Variants in SYT2 observed in about 807,000 individuals in gnomAD.
SYT2 encodes synaptotagmin 2.
Under a neutral mutation model 39.9 loss-of-function variants are expected in SYT2, and 15 were observed. The observed-to-expected ratio is 0.38, with a 90% confidence interval of 0.25 to 0.58. The LOEUF (loss-of-function observed/expected upper bound fraction) is 0.58. SYT2 is among the 20% of genes least tolerant of loss of function. SYT2 has a pLI of 0.70. For synonymous variants in SYT2, 181 were observed against 204.5 expected, an observed-to-expected ratio of 0.89 and a Z score of 0.98; for missense variants, 389 against 530.3, an observed-to-expected ratio of 0.73 and a Z score of 2.62.
chr1:202,650,927 G>A (rs1252401397), intron 1 of SYT2, among the ~76,000 whole-genome samples: 1 of 152,158 alleles, frequency 6.6e-6, no homozygotes, highest in African/African-American at 2.4e-5. Flanking sequence ...GCTCCAGCGT[G>A]GAAGAAGGAG....
At chr1:202,607,778 G>A (rs982050066) in intron 1 of SYT2, among the ~76,000 whole-genome samples, 29 of 152,272 alleles carry the variant, frequency 1.9e-4, no homozygotes, top group African/African-American at 6.5e-4. Flanking sequence ...CCGGTTTGGC[G>A]GGAACTGCAA....
chr1:202,691,002 T>A (rs1653804047), intron 1 of SYT2, among the ~76,000 whole-genome samples: 1 of 152,176 alleles, frequency 6.6e-6, no homozygotes, highest in Non-Finnish European at 1.5e-5. Flanking sequence ...GTTCTCGTCC[T>A]ACTCACACAT....
chr1:202,670,548 G>A (rs190309884), intron 1 of SYT2, among the ~76,000 whole-genome samples: 41 of 152,122 alleles, frequency 2.7e-4, no homozygotes, highest in Non-Finnish European at 5.3e-4. Context: ...GGGGGAAGAG[G>A]AGCACAACTC....
rs138329929 is a variant in SYT2, at chr1:202,604,512, C to T, written c.288G>A (p.Lys96=). ...KCCCKKKKNK[K]EKGKGMKNAM... is the part of the protein sequence containing the mutation. ...CATTCTTCATGCCTTTGCCCTTCTC[C>T]TTCTTGTTCTTCTTCTTCTTGCAGC... Residue 96 remains lysine (K), a synonymous_variant, in exon 3 of 9, where the codon AAG becomes AAA. Transcript: ENST00000367268. 4.3e-6 allele frequency: 7 copies of T among 1,614,086 alleles called. No homozygotes were observed. In the African/African-American group the frequency reaches 9.3e-5, roughly 22 times the overall value.
intron 1 of SYT2, among the ~76,000 whole-genome samples, chr1:202,701,749 G>A (rs184982861): frequency 2.3e-4 from 35 of 152,214 alleles, no homozygotes; most frequent in Middle Eastern, 3.4e-3. Context: ...TGACCTTATG[G>A]ACCCCCCTGA....
At chr1:202,651,146 G>A (rs998611350) in intron 1 of SYT2, among the ~76,000 whole-genome samples, 3 of 152,138 alleles carry the variant, frequency 2.0e-5, no homozygotes, top group Non-Finnish European at 4.4e-5. Flanking sequence ...GTTGCGGCAG[G>A]TCAAGGGAAA....
intron 1 of SYT2, among the ~76,000 whole-genome samples, chr1:202,653,773 GTGGGT>G (rs1692232467): frequency 6.6e-6 from 1 of 152,192 alleles, no homozygotes; most frequent in East Asian, 1.9e-4. Context: ...CTGGACCTCT[GTGGGT>G]CACCACAGTG....
In SYT2 at chr1:202,596,593, A is replaced by C; in HGVS notation, c.*164T>G. 1.5e-6 allele frequency: 1 copy of C among 669,250 alleles called. No homozygotes were observed. The highest frequency in any genetic ancestry group is 2.5e-6 in the Non-Finnish European group (1 of 403,788). The allele number at this position is 669,250 out of a possible 1,614,324, so 41.5% of individuals were successfully genotyped here. ...GGGGACTCTCCTCACACAGCCATCA[A>C]AGGGAAGTTGGTCTTTAAAAAGAGA... On this transcript the variant is annotated 3_prime_UTR_variant, in exon 9 of 9. Coordinates refer to ENST00000367268, the MANE Select transcript of SYT2 (RefSeq NM_177402.5).
chr1:202,594,223 G>A lies in SYT2; in HGVS notation c.*2534C>T, dbSNP rs1690214345. 6.6e-6 allele frequency: 1 copy of A among 152,216 alleles called. No homozygotes were observed. Among genetic ancestry groups the A allele is most frequent in the Non-Finnish European group, 1.5e-5 (1 of 68,072 alleles). The allele number at this position is 152,216 out of a possible 1,614,324, so 9.4% of individuals were successfully genotyped here. A position where few individuals can be genotyped will look rare whatever the true frequency, so the allele number is the denominator to read the frequency against. ...CCCTCAAGGCTCCTCACTAGCAGTG[G>A]GCTCAGAGTAATAAAAATCCAGCCC... On this transcript the variant is annotated 3_prime_UTR_variant, in exon 9 of 9. Transcript: ENST00000367268.
chr1:202,634,259 T>G (rs1368880924), intron 1 of SYT2, among the ~76,000 whole-genome samples: 2 of 152,252 alleles, frequency 1.3e-5, no homozygotes, highest in Non-Finnish European at 2.9e-5. Context: ...GGGTCACACC[T>G]GTAATTCCAG....
intron 1 of SYT2, among the ~76,000 whole-genome samples, 200 bp downstream of exon 1, chr1:202,710,058 C>T (rs1226364129): frequency 6.6e-6 from 1 of 152,060 alleles, no homozygotes; most frequent in Non-Finnish European, 1.5e-5. Context: ...TCCGACTCCC[C>T]GAGACGAACC....
In SYT2 at chr1:202,627,652, G is replaced by A. The variant is rs1001855902; in HGVS notation, c.-17-21863C>T. The stretch of plus-strand genomic sequence containing the variant: ...GGAAGGGCATGAAGACCACTTCCCT[G>A]GTTAATGAGGGTTTGACCAGGAGTT... On this transcript the variant is annotated intron_variant, in intron 1 of 8. Transcript: ENST00000367268. 5.1e-6 allele frequency: 5 copies of A among 984,472 alleles called. No individual in the cohort carries two copies. The African/African-American group carries it at 8.7e-5, about 17-fold the overall frequency. The allele number at this position is 984,472 out of a possible 1,614,324, so 61.0% of individuals were successfully genotyped here. A position where few individuals can be genotyped will look rare whatever the true frequency, so the allele number is the denominator to read the frequency against.
intron 1 of SYT2, among the ~76,000 whole-genome samples, chr1:202,626,846 C>T (rs1240615771): frequency 1.3e-5 from 2 of 152,162 alleles, no homozygotes; most frequent in African/African-American, 4.8e-5. Flanking sequence ...AGTTCATTTC[C>T]CTGGGATCAT....
chr1:202,645,610 CA>C (rs2149099943), intron 1 of SYT2, among the ~76,000 whole-genome samples: 1 of 152,336 alleles, frequency 6.6e-6, no homozygotes, highest in Admixed American at 6.5e-5. Flanking sequence ...GAGCCTTATG[CA>C]AAGCTGCCTC....
rs1172775351 is a variant in SYT2, at chr1:202,599,292, T to A, written c.979A>T (p.Thr327Ser). ...NGKRLKKKKT[T>S]VKKKTLNPYF... ...GGGTTCAGGGTCTTCTTCTTCACGG[T>A]TGTCTTCTTCTTCTTGAGCCTCTTG... Residue 327 changes from threonine (T) to serine (S), a missense_variant, in exon 8 of 9, where the codon ACC (threonine) becomes TCC (serine). Thr to Ser is a moderately conservative substitution (Grantham distance 58). This residue lies in a region of SYT2 where 84 missense variants were observed against 123.1 expected (regional missense o/e 0.68). Coordinates refer to ENST00000367268, the MANE Select transcript of SYT2 (RefSeq NM_177402.5). The surrounding 1 kb of genome is among the most constrained non-coding windows in gnomAD (Gnocchi z 4.4). 6.2e-7 allele frequency: 1 copy of A among 1,609,988 alleles called. No homozygotes were observed. Among genetic ancestry groups the A allele is most frequent in the Non-Finnish European group, 8.5e-7 (1 of 1,178,758 alleles).
rs35072265 is a variant in SYT2 at position 202,667,466 on chromosome 1, C to CGTGT, written c.-18+42788_-18+42791dup. Among the ~76,000 whole-genome samples, 908 of 140,816 alleles carry CGTGT rather than the reference C, an allele frequency of 6.4e-3. 7 individuals are homozygous for CGTGT. The highest frequency in any genetic ancestry group is 0.017 in the African/African-American group (619 of 36,442). 92.4% of individuals were successfully genotyped at this position (140,816 alleles called of 152,430 possible). A position where few individuals can be genotyped will look rare whatever the true frequency, so the allele number is the denominator to read the frequency against. ...TAAAGACAACAGGCAAGTGACCAGC[C>CGTGT]GTGTGTGTGTGTGTGTGTGTGTGTG... On this transcript the variant is annotated intron_variant, in intron 1 of 8. Transcript: ENST00000367268.
Position 202,595,807 on chromosome 1 carries a change from T to C in SYT2, c.*950A>G, listed in dbSNP as rs183694054. On this transcript the variant is annotated 3_prime_UTR_variant, in exon 9 of 9. Transcript: ENST00000367268. ...GATCCAGGAGTTTAATTTTGGTCTT[T>C]CTGGTAATGGGACTTCTGTTTCTTC... The C allele has an allele frequency of 4.6e-4, 70 of 152,322 alleles. 1 individual carries two copies. The highest frequency in any genetic ancestry group is 1.6e-3 in the African/African-American group (67 of 41,556). The allele number at this position is 152,322 out of a possible 1,614,324, so 9.4% of individuals were successfully genotyped here. A position where few individuals can be genotyped will look rare whatever the true frequency, so the allele number is the denominator to read the frequency against.
At chr1:202,634,371 G>A (rs1037791526) in intron 1 of SYT2, among the ~76,000 whole-genome samples, 1 of 152,100 alleles carries the variant, frequency 6.6e-6, no homozygotes, top group Non-Finnish European at 1.5e-5. Flanking sequence ...TACAAAATTA[G>A]CTGGGCGTGG....
chr1:202,708,803 G>A (rs1161741222), intron 1 of SYT2, among the ~76,000 whole-genome samples: 3 of 152,228 alleles, frequency 2.0e-5, no homozygotes, highest in Non-Finnish European at 2.9e-5. Flanking sequence ...CCGCCTTTGG[G>A]GCACTGGGCA....
Sources: allele counts gnomAD v4.1 joint callset (sites outside exome capture counted in the v4.1 genomes callset), GRCh38; gene constraint gnomAD v4.1.1; regional missense constraint gnomAD v4.1.1; non-coding constraint Gnocchi (gnomAD v3.1); transcripts MANE v1.5; gene names NCBI Gene and HGNC (gene_info 2026-07-23, HGNC 2026-07-21).